Variants in NBEA observed in about 807,000 individuals in gnomAD.
The protein encoded by NBEA is neurobeachin.
Under a neutral mutation model 343.4 loss-of-function variants are expected in NBEA, and 44 were observed. The observed-to-expected ratio is 0.13, with a 90% CI of 0.10 to 0.16. NBEA has a LOEUF of 0.16. Among genes scored for constraint, NBEA ranks in the 10% least tolerant of loss-of-function variants. NBEA has a pLI of 1.00. For missense variants in NBEA, 2,555 were observed against 3,631.3 expected, an observed-to-expected ratio of 0.70 and a Z score of 7.62; for synonymous variants, 1,175 against 1,238.7, an observed-to-expected ratio of 0.95 and a Z score of 1.08.
At chr13:35,512,089 C>A (rs866010079) in intron 41 of NBEA, among the ~76,000 whole-genome samples, 3 of 152,162 alleles carry the variant, frequency 2.0e-5, no homozygotes, top group Non-Finnish European at 2.9e-5. Flanking sequence ...TCTAAAAGAA[C>A]TCATCAAACT....
chr13:35,657,374 T>C (rs2084864025), intron 55 of NBEA, among the ~76,000 whole-genome samples: 1 of 152,248 alleles, frequency 6.6e-6, no homozygotes, highest in African/African-American at 2.4e-5. Context: ...AGATATTCAA[T>C]GTTGCTTGAT....
At chr13:35,542,381 A>G (rs543615756) in intron 41 of NBEA, among the ~76,000 whole-genome samples, 1 of 152,246 alleles carries the variant, frequency 6.6e-6, no homozygotes, top group Non-Finnish European at 1.5e-5. Flanking sequence ...ATATTACTGA[A>G]TTATTTTCAT....
intron 8 of NBEA, among the ~76,000 whole-genome samples, chr13:35,068,205 A>G (rs750439286): frequency 3.5e-4 from 54 of 152,116 alleles, no homozygotes; most frequent in Non-Finnish European, 6.9e-4. Context: ...TTTTCCTCCT[A>G]CAAACCAAAA....
chr13:35,600,535 C>G (rs1225056010), intron 47 of NBEA, among the ~76,000 whole-genome samples: 2 of 152,044 alleles, frequency 1.3e-5, no homozygotes, highest in Admixed American at 1.3e-4. Flanking sequence ...TATTTTTGAT[C>G]CGTGCCCCTA....
intron 33 of NBEA, among the ~76,000 whole-genome samples, chr13:35,217,106 A>C (rs1009324697): frequency 6.6e-6 from 1 of 151,822 alleles, no homozygotes; most frequent in African/African-American, 2.4e-5. Context: ...TGTGGTCTGA[A>C]TTTGCATTTT....
At chr13:35,251,753 A>G (rs2152788374) in intron 34 of NBEA, 1 of 211,936 alleles carries the variant, frequency 4.7e-6, no homozygotes, top group African/African-American at 2.3e-5. Flanking sequence ...GCTCAAAGCC[A>G]CCAAGAGCGT....
At chr13:35,078,260 A>G (rs1183816683) in intron 10 of NBEA, among the ~76,000 whole-genome samples, 1 of 152,206 alleles carries the variant, frequency 6.6e-6, no homozygotes, top group African/African-American at 2.4e-5. Flanking sequence ...ACCTATCAGC[A>G]TAGAACTTAC....
At chr13:35,265,833 A>G (rs1055188893) in intron 34 of NBEA, among the ~76,000 whole-genome samples, 2 of 151,886 alleles carry the variant, frequency 1.3e-5, no homozygotes, top group Admixed American at 1.3e-4. Context: ...AAAAACACAG[A>G]CAACAAAAGC....
chr13:35,069,341 G>A (rs1397278706), intron 8 of NBEA, among the ~76,000 whole-genome samples: 7 of 151,914 alleles, frequency 4.6e-5, no homozygotes, highest in Non-Finnish European at 1.0e-4. Flanking sequence ...TAGTTCTTGT[G>A]TTTCATAAAA....
chr13:35,258,158 A>G (rs1439041550), intron 34 of NBEA, among the ~76,000 whole-genome samples: 1 of 149,862 alleles, frequency 6.7e-6, no homozygotes, highest in Non-Finnish European at 1.5e-5. Context: ...TGTTAGCCAC[A>G]CAGTCTTTGT....
intron 38 of NBEA, among the ~76,000 whole-genome samples, chr13:35,420,476 T>C (rs1012044794): frequency 6.6e-6 from 1 of 152,034 alleles, no homozygotes; most frequent in African/African-American, 2.4e-5. Context: ...GTCTGTAGTT[T>C]TCTTTTTTTG....
At chr13:35,224,579 G>GT (rs1341677399) in intron 33 of NBEA, among the ~76,000 whole-genome samples, 1 of 151,998 alleles carries the variant, frequency 6.6e-6, no homozygotes, top group East Asian at 1.9e-4. Context: ...TTCTTTTACT[G>GT]TATTTTTTAT....
intron 10 of NBEA, among the ~76,000 whole-genome samples, chr13:35,092,557 GTA>G (rs907794126): frequency 2.0e-5 from 3 of 151,920 alleles, no homozygotes; most frequent in Non-Finnish European, 2.9e-5. Flanking sequence ...GGACAAAAGA[GTA>G]GACACTTTAC....
chr13:34,947,442 G>T (rs2059218934), intron 1 of NBEA, among the ~76,000 whole-genome samples: 1 of 151,918 alleles, frequency 6.6e-6, no homozygotes, highest in South Asian at 2.1e-4. Context: ...CAGACCCAGT[G>T]CCCGTTTTGT....
chr13:35,109,151 A>G (rs2066062647), intron 11 of NBEA, 139 bp from the exon 12 acceptor site: 1 of 744,568 alleles, frequency 1.3e-6, no homozygotes, highest in East Asian at 3.1e-5. Flanking sequence ...TTATATTTTA[A>G]TAGCAAAGAA....
At chr13:35,156,683 T>A (rs2069197611) in intron 20 of NBEA, among the ~76,000 whole-genome samples, 1 of 152,144 alleles carries the variant, frequency 6.6e-6, no homozygotes. Context: ...ATTGATTGAG[T>A]GCCTACTGTG....
chr13:35,600,882 G>C (rs2082014608), intron 47 of NBEA, among the ~76,000 whole-genome samples: 1 of 152,030 alleles, frequency 6.6e-6, no homozygotes, highest in South Asian at 2.1e-4. Flanking sequence ...TCTTCTTTAA[G>C]AAACACACTT....
At chr13:35,020,864 G>A (rs971623843) in intron 1 of NBEA, among the ~76,000 whole-genome samples, 2 of 151,938 alleles carry the variant, frequency 1.3e-5, no homozygotes, top group African/African-American at 4.8e-5. Context: ...ATGGGGGGAG[G>A]TGTCTTTTTA....
chr13:35,251,594 A>G, intron 34 of NBEA: 1 of 1,224,370 alleles, frequency 8.2e-7, no homozygotes, highest in South Asian at 1.5e-5. Flanking sequence ...GTGGAAGCCA[A>G]ACAGGTAGCT....
Sources: gnomAD v4.1 joint callset for allele counts (sites outside exome capture counted in the v4.1 genomes callset) on GRCh38, gnomAD v4.1.1 for gene constraint, MANE v1.5 for transcripts, NCBI Gene and HGNC (gene_info 2026-07-23, HGNC 2026-07-21) for gene names.